JAKMIP1: variants seen among roughly 807,000 people sequenced by gnomAD.
The protein encoded by JAKMIP1 is janus kinase and microtubule-interacting protein 1.
A neutral mutation model predicts 113.0 loss-of-function variants in JAKMIP1; 33 were observed. The observed-to-expected ratio is 0.29, with a 90% CI of 0.22 to 0.39. JAKMIP1 has a LOEUF of 0.39. Among genes scored for constraint, JAKMIP1 ranks in the 10% least tolerant of loss-of-function variants. JAKMIP1 has a pLI of 1.00. For missense variants in JAKMIP1, 813 were observed against 1,080.5 expected, an observed-to-expected ratio of 0.75 and a Z score of 3.47; for synonymous variants, 480 against 459.9, an observed-to-expected ratio of 1.04 and a Z score of -0.56.
intron 1 of JAKMIP1, among the ~76,000 whole-genome samples, chr4:6,126,796 G>A (rs529703087): frequency 1.4e-5 from 2 of 147,682 alleles, no homozygotes; most frequent in African/African-American, 5.0e-5. Context: ...ACTCACAAGC[G>A]CACGCACACA....
rs73077432 is a variant in JAKMIP1, at chr4:6,184,629, G to C, written c.-148+15624C>G. On this transcript the variant is annotated intron_variant, in intron 1 of 20. Coordinates refer to ENST00000409021, the MANE Select transcript of JAKMIP1 (RefSeq NM_001099433.2). This position sits in a 1 kb window ranked among gnomAD's most constrained non-coding sequence, Gnocchi z 4.5. ...CAAGGGTCCCCCGCGCTCACCTGTAGATTCAGCAAGAGAGCAGGGGTGATT... is the reference window on the plus strand; with the variant it reads ...CAAGGGTCCCCCGCGCTCACCTGTACATTCAGCAAGAGAGCAGGGGTGATT... Among the ~76,000 whole-genome samples the C allele has an allele frequency of 3.9e-5, 6 of 152,348 alleles. No homozygotes were observed. The highest frequency in any genetic ancestry group is 1.2e-4 in the African/African-American group (5 of 41,576).
At position 6,139,697 on chromosome 4, in the gene JAKMIP1, C is replaced by G. The variant is rs954110189; in HGVS notation, c.-147-26700G>C. ...AGGAGAATCGCCTGAACCCAGGAGG[C>G]GGAGGTTGCAGTGAGCCAAGACCAT... On this transcript the variant is annotated intron_variant, in intron 1 of 20. Coordinates refer to ENST00000409021, the MANE Select transcript of JAKMIP1 (RefSeq NM_001099433.2). The surrounding 1 kb of genome is among the most constrained non-coding windows in gnomAD (Gnocchi z 5.2). Among the ~76,000 whole-genome samples, 4 of 151,926 alleles carry G rather than the reference C, an allele frequency of 2.6e-5. No homozygotes were observed. The highest frequency in any genetic ancestry group is 2.6e-4 in the Admixed American group (4 of 15,250).
intron 3 of JAKMIP1, among the ~76,000 whole-genome samples, chr4:6,101,078 AT>A (rs1712940267): frequency 6.6e-6 from 1 of 152,182 alleles, no homozygotes; most frequent in South Asian, 2.1e-4. Context: ...TGAATAGTAT[AT>A]TTATGTAAAT....
intron 12 of JAKMIP1, 99 bp downstream of exon 12, chr4:6,056,598 T>G: frequency 4.7e-6 from 4 of 845,274 alleles, no homozygotes; most frequent in Non-Finnish European, 6.1e-6. Context: ...GTCACTGGAG[T>G]GCCCAAATGG....
chr4:6,085,789 C>T (rs1721203984), intron 3 of JAKMIP1, among the ~76,000 whole-genome samples, 160 bp from the exon 4 acceptor site: 1 of 152,214 alleles, frequency 6.6e-6, no homozygotes, highest in Non-Finnish European at 1.5e-5. Flanking sequence ...GCACAGCCCG[C>T]AGCCCAGGGC....
rs1230989629 is a variant in JAKMIP1, at chr4:6,141,341, C to A, written c.-147-28344G>T. Among the ~76,000 whole-genome samples the A allele has an allele frequency of 6.6e-6, 1 of 151,766 alleles. No individual in the cohort carries two copies. Among genetic ancestry groups the A allele is most frequent in the Non-Finnish European group, 1.5e-5 (1 of 68,026 alleles). ...ATCCCAGCTACTTGACAGGCTGAGG[C>A]AGGAGAATTGCTTGAACCCGGCAGG... On this transcript the variant is annotated intron_variant, in intron 1 of 20. Coordinates refer to ENST00000409021, the MANE Select transcript of JAKMIP1 (RefSeq NM_001099433.2). The surrounding 1 kb of genome is among the most constrained non-coding windows in gnomAD (Gnocchi z 9.4).
rs201482171 is a variant in JAKMIP1, at chr4:6,064,902, G to A, written c.1409C>T (p.Thr470Met). ...NTDRTDRTPA[T>M]PEEDLDDATA... is the part of the protein sequence containing the mutation. The stretch of plus-strand genomic sequence containing the variant: ...TACATCGTCCAAGTCTTCTTCGGGC[G>A]TGGCTGGGGTCCTGTCTGTCCTGTC... Residue 470 changes from threonine to methionine, a missense_variant, in exon 9 of 21, where the codon ACG (threonine) becomes ATG (methionine). Coordinates refer to ENST00000409021, the MANE Select transcript of JAKMIP1 (RefSeq NM_001099433.2). This position sits in a 1 kb window ranked among gnomAD's most constrained non-coding sequence, Gnocchi z 4.3. 9 of 1,614,108 alleles carry A rather than the reference G, an allele frequency of 5.6e-6. No homozygotes were observed. Among genetic ancestry groups the A allele is most frequent in the East Asian group, 2.2e-5 (1 of 44,882 alleles).
chr4:6,178,529 T>G lies in JAKMIP1; in HGVS notation c.-148+21724A>C, dbSNP rs573464036. 1.3e-5 allele frequency among the ~76,000 whole-genome samples: 2 copies of G among 152,316 alleles called. No individual in the cohort carries two copies. The highest frequency in any genetic ancestry group is 4.1e-4 in the South Asian group (2 of 4,826). On this transcript the variant is annotated intron_variant, in intron 1 of 20. Coordinates refer to ENST00000409021, the MANE Select transcript of JAKMIP1 (RefSeq NM_001099433.2). The surrounding 1 kb of genome is among the most constrained non-coding windows in gnomAD (Gnocchi z 5.5). The stretch of plus-strand genomic sequence containing the variant: ...GTGTTTGGTGGGGAATTGAAGTAGG[T>G]GGTTTTCTGATGATATTGGAAGCAT...
intron 1 of JAKMIP1, among the ~76,000 whole-genome samples, chr4:6,172,194 A>G (rs1464009297): frequency 1.3e-5 from 2 of 152,242 alleles, no homozygotes; most frequent in Non-Finnish European, 2.9e-5. Flanking sequence ...TTGGCAGGAA[A>G]GCTGCTCAGG....
At chr4:6,072,200 T>G (rs1047989700) in intron 8 of JAKMIP1, among the ~76,000 whole-genome samples, 1 of 152,238 alleles carries the variant, frequency 6.6e-6, no homozygotes, top group East Asian at 1.9e-4. Flanking sequence ...TTCAGTCATG[T>G]GACCACACAC....
chr4:6,043,789 A>G (rs1239651124), intron 16 of JAKMIP1, among the ~76,000 whole-genome samples: 1 of 148,020 alleles, frequency 6.8e-6, no homozygotes, highest in Non-Finnish European at 1.5e-5. Flanking sequence ...AAAAACACAC[A>G]TGGGCTCATG....
intron 5 of JAKMIP1, among the ~76,000 whole-genome samples, chr4:6,082,558 C>A (rs1720737175): frequency 6.6e-6 from 1 of 151,846 alleles, no homozygotes; most frequent in African/African-American, 2.4e-5. Flanking sequence ...GGCTTGAGTG[C>A]CGTGGCGTGA....
Position 6,118,321 on chromosome 4 carries a change from T to C in JAKMIP1, c.-147-5324A>G, listed in dbSNP as rs1379584549. 2.6e-5 allele frequency among the ~76,000 whole-genome samples: 4 copies of C among 151,986 alleles called. No individual in the cohort carries two copies. In the East Asian group the frequency reaches 5.8e-4, roughly 22 times the overall value. ...CCCACTGGTGGTGGTGAGGGTGAAATGGGTCCCTGCCTGTCACACAGGAAG... is the reference window on the plus strand; with the variant it reads ...CCCACTGGTGGTGGTGAGGGTGAAACGGGTCCCTGCCTGTCACACAGGAAG... On this transcript the variant is annotated intron_variant, in intron 1 of 20. Coordinates refer to ENST00000409021, the MANE Select transcript of JAKMIP1 (RefSeq NM_001099433.2).
At position 6,168,316 on chromosome 4, in the gene JAKMIP1, T is replaced by C. The variant is rs1316493162; in HGVS notation, c.-148+31937A>G. 1.3e-5 allele frequency among the ~76,000 whole-genome samples: 2 copies of C among 152,202 alleles called. No homozygotes were observed. Among genetic ancestry groups the C allele is most frequent in the Non-Finnish European group, 2.9e-5 (2 of 68,040 alleles). ...TGTAACTGAAAGATGGGAAAACATA[T>C]GTGCACACAAAAACATGTACACAAA... On this transcript the variant is annotated intron_variant, in intron 1 of 20. Transcript: ENST00000409021. The surrounding 1 kb of genome is among the most constrained non-coding windows in gnomAD (Gnocchi z 4.6).
intron 2 of JAKMIP1, among the ~76,000 whole-genome samples, chr4:6,109,741 G>C (rs1310116797): frequency 6.6e-6 from 1 of 152,024 alleles, no homozygotes; most frequent in Non-Finnish European, 1.5e-5. Context: ...TGTTCAACAG[G>C]GATGCTTTGC....
Position 6,080,520 on chromosome 4 carries a change from C to A in JAKMIP1, c.1102-208G>T, listed in dbSNP as rs539357148. ...GAACTCCCGTGTGTTGTGGGAGGGGCCAGGTGGGAGATCATTGAATCATGG... is the reference window on the plus strand; with the variant it reads ...GAACTCCCGTGTGTTGTGGGAGGGGACAGGTGGGAGATCATTGAATCATGG... On this transcript the variant is annotated intron_variant, in intron 6 of 20. Coordinates refer to ENST00000409021, the MANE Select transcript of JAKMIP1 (RefSeq NM_001099433.2). This position sits in a 1 kb window ranked among gnomAD's most constrained non-coding sequence, Gnocchi z 6.0. 6.6e-5 allele frequency among the ~76,000 whole-genome samples: 10 copies of A among 152,194 alleles called. No individual in the cohort carries two copies. Among genetic ancestry groups the A allele is most frequent in the South Asian group, 2.1e-4 (1 of 4,806 alleles).
rs777773527 is a variant in JAKMIP1 at position 6,158,632 on chromosome 4, C to A, written c.-148+41621G>T. The stretch of plus-strand genomic sequence containing the variant: ...TTTCTCCACCCCCCACCCCCACCAG[C>A]CCCAGCTAGTAGTCATCATTTCCAC... On this transcript the variant is annotated intron_variant, in intron 1 of 20. Transcript: ENST00000409021. This position sits in a 1 kb window ranked among gnomAD's most constrained non-coding sequence, Gnocchi z 5.3. Among the ~76,000 whole-genome samples the A allele has an allele frequency of 9.3e-5, 14 of 150,718 alleles. No individual in the cohort carries two copies. The highest frequency in any genetic ancestry group is 2.6e-4 in the Admixed American group (4 of 15,210).
Position 6,157,520 on chromosome 4 carries a change from C to T in JAKMIP1, c.-148+42733G>A, listed in dbSNP as rs1164843212. 6.6e-6 allele frequency among the ~76,000 whole-genome samples: 1 copy of T among 152,202 alleles called. No individual in the cohort carries two copies. Among genetic ancestry groups the T allele is most frequent in the Non-Finnish European group, 1.5e-5 (1 of 68,036 alleles). ...ACTTCAGCGTACACTTTCCGTAACA[C>T]CTTTTTTGACTAAGAATCCATCATT... On this transcript the variant is annotated intron_variant, in intron 1 of 20. Transcript: ENST00000409021. The surrounding 1 kb of genome is among the most constrained non-coding windows in gnomAD (Gnocchi z 4.7).
In JAKMIP1 at chr4:6,069,859, G is replaced by T. The variant is rs1718710015; in HGVS notation, c.1303-4851C>A. 6.6e-6 allele frequency among the ~76,000 whole-genome samples: 1 copy of T among 152,128 alleles called. No individual in the cohort carries two copies. Among genetic ancestry groups the T allele is most frequent in the South Asian group, 2.1e-4 (1 of 4,824 alleles). ...AGAGGTGCTCTTCCTCAGCGGGTCA[G>T]ATGAAGCAGAGGGAAAAAGAGGAGG... is the stretch of plus-strand genomic sequence containing the variant. On this transcript the variant is annotated intron_variant, in intron 8 of 20. Transcript: ENST00000409021. The surrounding 1 kb of genome is among the most constrained non-coding windows in gnomAD (Gnocchi z 4.5).
Sources: gnomAD v4.1 joint callset for allele counts (sites outside exome capture counted in the v4.1 genomes callset) on GRCh38, gnomAD v4.1.1 for gene constraint, Gnocchi (gnomAD v3.1) non-coding constraint, MANE v1.5 for transcripts, NCBI Gene and HGNC (gene_info 2026-07-23, HGNC 2026-07-21) for gene names.